PANK2: variants seen among roughly 807,000 people sequenced by gnomAD.
PANK2 encodes pantothenate kinase 2.
In PANK2, 36 loss-of-function variants were observed where a neutral mutation model predicts 43.1. The ratio of observed to expected loss-of-function variants is 0.84; its 90% CI spans 0.64 to 1.10. The LOEUF is 1.10. Ranked by LOEUF, PANK2 falls within the 50% of genes least tolerant of loss-of-function variation. The pLI is 0.00. For missense variants in PANK2, 576 were observed against 593.3 expected (o/e 0.97, Z 0.30); for synonymous variants, 281 against 238.2 (o/e 1.18, Z -1.66).
At chr20:3,911,110 C>T (rs1372061595) in intron 3 of PANK2, among the ~76,000 whole-genome samples, 3 of 152,156 alleles carry the variant, frequency 2.0e-5, no homozygotes. Flanking sequence ...CACAAAGTAG[C>T]TAAAGTTATT....
chr20:3,920,673 T>C (rs746637036), intron 6 of PANK2, among the ~76,000 whole-genome samples: 4 of 152,214 alleles, frequency 2.6e-5, no homozygotes, highest in East Asian at 1.9e-4. Context: ...GGAGAAGCCC[T>C]GTCTCTACAA....
rs986589852 is a variant in PANK2, at chr20:3,910,640, A to G, written c.715A>G (p.Ile239Val). The G allele has an allele frequency of 6.2e-7, 1 of 1,614,168 alleles. No individual in the cohort carries two copies. The highest frequency in any genetic ancestry group is 1.1e-5 in the South Asian group (1 of 91,088). Residue 239 changes from isoleucine to valine, a missense_variant, in exon 3 of 7, where the codon ATT becomes GTT. By Grantham distance (29) the Ile-to-Val change is conservative. Around this residue, in one of 2 missense-constraint regions of PANK2, gnomAD observed 544 missense variants for 528.9 expected, o/e 1.03. Coordinates refer to ENST00000610179, the MANE Select transcript of PANK2 (RefSeq NM_001386393.1). The stretch of plus-strand genomic sequence containing the variant: ...TTGCTTGATCAAAGGAATTTTATAC[A>G]TTGACTCAGTCGGATTCAATGGACG...
rs117535572 is a variant in PANK2 at position 3,896,883 on chromosome 20, C to T, written c.298+7155C>T. Among the ~76,000 whole-genome samples, 73 of 152,268 alleles carry T rather than the reference C, an allele frequency of 4.8e-4. No individual in the cohort carries two copies. In the East Asian group the frequency reaches 0.014, roughly 29 times the overall value. On this transcript the variant is annotated intron_variant, in intron 1 of 6. Transcript: ENST00000610179. ...TCTTAGGTTCTGTGATCCAGTCTAG[C>T]AAATTAATCCAAACCAAAGAGGGGT...
Position 3,913,788 on chromosome 20 carries a change from A to AT in PANK2, c.1082+1155dup, listed in dbSNP as rs1197283181. Reference sequence around the variant, plus strand: ...CACACACACACACATATATATATATATATTTTTTTTTTTTTTTTGAGACGG... The same window carrying AT: ...CACACACACACACATATATATATATATTATTTTTTTTTTTTTTTTGAGACGG... On this transcript the variant is annotated intron_variant, in intron 4 of 6. Coordinates refer to ENST00000610179, the MANE Select transcript of PANK2 (RefSeq NM_001386393.1). Among the ~76,000 whole-genome samples, 945 of 132,754 alleles carry AT rather than the reference A, an allele frequency of 7.1e-3. 18 individuals carry two copies. Among genetic ancestry groups the AT allele is most frequent in the South Asian group, 0.062 (245 of 3,934 alleles). 87.1% of individuals were successfully genotyped at this position (132,754 alleles called of 152,430 possible).
At chr20:3,917,895 G>C (rs992910175) in intron 5 of PANK2, among the ~76,000 whole-genome samples, 1 of 152,024 alleles carries the variant, frequency 6.6e-6, no homozygotes, top group African/African-American at 2.4e-5. Flanking sequence ...ACCACAATTT[G>C]TATTTTATAC....
At chr20:3,920,826 C>G (rs982094212) in intron 6 of PANK2, among the ~76,000 whole-genome samples, 1 of 152,222 alleles carries the variant, frequency 6.6e-6, no homozygotes, top group Non-Finnish European at 1.5e-5. Context: ...GCCTGGGCAA[C>G]AAGAGCGAAA....
chr20:3,897,974 C>G (rs950824582), intron 1 of PANK2, among the ~76,000 whole-genome samples: 2 of 152,030 alleles, frequency 1.3e-5, no homozygotes, highest in South Asian at 4.2e-4. Flanking sequence ...TCGCTGCACT[C>G]CATCTGAGCA....
chr20:3,908,406 A>G, intron 2 of PANK2, 128 bp downstream of exon 2: 1 of 942,694 alleles, frequency 1.1e-6, no homozygotes. Flanking sequence ...TGAAGATTAA[A>G]GGTACGCTAG....
intron 4 of PANK2, 126 bp from the exon 5 acceptor site, chr20:3,916,801 A>C: frequency 7.3e-7 from 1 of 1,374,986 alleles, no homozygotes; most frequent in Non-Finnish European, 1.0e-6. Flanking sequence ...ATTGCAAAAT[A>C]AAAGGTTTGA....
At position 3,928,096 on chromosome 20, in the gene PANK2, T is replaced by C. The variant is rs1314590053; in HGVS notation, c.*4802T>C. 1 of 152,218 alleles carries C rather than the reference T, an allele frequency of 6.6e-6. No homozygotes were observed. Among genetic ancestry groups the C allele is most frequent in the Non-Finnish European group, 1.5e-5 (1 of 68,052 alleles). 9.4% of individuals were successfully genotyped at this position (152,218 alleles called of 1,614,324 possible). A position where few individuals can be genotyped will look rare whatever the true frequency, so the allele number is the denominator to read the frequency against. On this transcript the variant is annotated 3_prime_UTR_variant, in exon 7 of 7. Coordinates refer to ENST00000610179, the MANE Select transcript of PANK2 (RefSeq NM_001386393.1). Reference sequence around the variant, plus strand: ...ACTAAAGAACCGTGAACCAGCATTTTCCAGTTATCAACTGGATATTTAGGC... The same window carrying C: ...ACTAAAGAACCGTGAACCAGCATTTCCCAGTTATCAACTGGATATTTAGGC...
chr20:3,926,289 G>A lies in PANK2; in HGVS notation c.*2995G>A, dbSNP rs1254421550. 1.3e-5 allele frequency: 2 copies of A among 152,308 alleles called. No homozygotes were observed. The highest frequency in any genetic ancestry group is 2.9e-5 in the Non-Finnish European group (2 of 68,132). 9.4% of individuals were successfully genotyped at this position (152,308 alleles called of 1,614,324 possible). ...GGGGATTTCATGAGTTCTAAGGTAG[G>A]GTGAGAAAAATAACCGAGAGTTGAG... On this transcript the variant is annotated 3_prime_UTR_variant, in exon 7 of 7. Transcript: ENST00000610179.
In PANK2 at chr20:3,889,851, C is replaced by G. The variant is rs951712829; in HGVS notation, c.298+123C>G. 2.0e-6 allele frequency: 3 copies of G among 1,534,112 alleles called. No homozygotes were observed. The African/African-American group carries it at 4.1e-5, about 21-fold the overall frequency. ...ACACTGTCCCCGCACGGTGGTCCCT[C>G]GTTGGTGCGTGGCCTGACATCCGGC... On this transcript the variant is annotated intron_variant, in intron 1 of 6. Transcript: ENST00000610179.
intron 5 of PANK2, among the ~76,000 whole-genome samples, chr20:3,917,822 T>C (rs1392838425): frequency 6.6e-6 from 1 of 152,252 alleles, no homozygotes; most frequent in South Asian, 2.1e-4. Flanking sequence ...AACTTCTTTT[T>C]TCTTTATTGT....
In PANK2 at chr20:3,919,222, G is replaced by GT. The variant is rs375632826; in HGVS notation, c.1332+429dup. On this transcript the variant is annotated intron_variant, in intron 6 of 6. Coordinates refer to ENST00000610179, the MANE Select transcript of PANK2 (RefSeq NM_001386393.1). ...CCACTGTGCCTGAACTTTTTTGGTAGTTTAATTTCGTAACATTTGAAAGCT... is the reference window on the plus strand; with the variant it reads ...CCACTGTGCCTGAACTTTTTTGGTAGTTTTAATTTCGTAACATTTGAAAGCT... Among the ~76,000 whole-genome samples the GT allele has an allele frequency of 1.5e-3, 223 of 152,256 alleles. 1 individual carries two copies. Among genetic ancestry groups the GT allele is most frequent in the African/African-American group, 5.2e-3 (216 of 41,562 alleles).
At position 3,928,873 on chromosome 20, in the gene PANK2, C is replaced by CGGA. The variant is rs961795978; in HGVS notation, c.*5581_*5583dup. ...TCTTTTCTTGTGTGTTTTTTTGAGA[C>CGGA]GGAGTCTCGCTCTGTTGCCCAGGCT... On this transcript the variant is annotated 3_prime_UTR_variant, in exon 7 of 7. Coordinates refer to ENST00000610179, the MANE Select transcript of PANK2 (RefSeq NM_001386393.1). 1.4e-5 allele frequency: 2 copies of CGGA among 147,582 alleles called. No individual in the cohort carries two copies. Among genetic ancestry groups the CGGA allele is most frequent in the African/African-American group, 5.0e-5 (2 of 40,366 alleles). 9.1% of individuals were successfully genotyped at this position (147,582 alleles called of 1,614,324 possible).
chr20:3,920,235 G>T (rs1568585968), intron 6 of PANK2, among the ~76,000 whole-genome samples: 1 of 152,074 alleles, frequency 6.6e-6, no homozygotes, highest in Admixed American at 6.5e-5. Flanking sequence ...AAATAGGCTG[G>T]GTGCGGTGGC....
At chr20:3,900,027 A>G (rs868625056) in intron 1 of PANK2, among the ~76,000 whole-genome samples, 1 of 151,320 alleles carries the variant, frequency 6.6e-6, no homozygotes, top group Non-Finnish European at 1.5e-5. Context: ...TTTTATGCAC[A>G]TGAGAGAGTT....
intron 1 of PANK2, among the ~76,000 whole-genome samples, chr20:3,906,851 T>C (rs1248955395): frequency 6.6e-6 from 1 of 152,012 alleles, no homozygotes; most frequent in African/African-American, 2.4e-5. Context: ...CAGGCTAGAG[T>C]GCAGTGGTGC....
Position 3,928,068 on chromosome 20 carries a change from T to C in PANK2, c.*4774T>C, listed in dbSNP as rs1378603236. On this transcript the variant is annotated 3_prime_UTR_variant, in exon 7 of 7. Coordinates refer to ENST00000610179, the MANE Select transcript of PANK2 (RefSeq NM_001386393.1). ...AGCACATGGGGATCCCTTATTAATC[T>C]TTACTAAAGAACCGTGAACCAGCAT... is the stretch of plus-strand genomic sequence containing the variant. The C allele has an allele frequency of 6.6e-6, 1 of 152,180 alleles. No individual in the cohort carries two copies. The highest frequency in any genetic ancestry group is 2.4e-5 in the African/African-American group (1 of 41,448). 9.4% of individuals were successfully genotyped at this position (152,180 alleles called of 1,614,324 possible).
Sources: allele counts gnomAD v4.1 joint callset (sites outside exome capture counted in the v4.1 genomes callset), GRCh38; gene constraint gnomAD v4.1.1; regional missense constraint gnomAD v4.1.1; transcripts MANE v1.5; gene names NCBI Gene and HGNC (gene_info 2026-07-23, HGNC 2026-07-21).